The following HOXC8 variants were observed in gnomAD, a reference collection of about 807,000 sequenced individuals.
HOXC8 encodes the protein homeobox protein Hox-C8.
HOXC8 carries 14 observed loss-of-function variants against 25.8 expected under a neutral mutation model. The ratio of observed to expected loss-of-function variants is 0.54; its 90% CI spans 0.36 to 0.85. The LOEUF is 0.85. Ranked by LOEUF, HOXC8 falls within the 40% of genes least tolerant of loss-of-function variation. The pLI, the probability that HOXC8 is intolerant of heterozygous loss-of-function variation, is 0.01. For missense variants in HOXC8, 316 were observed against 308.8 expected (o/e 1.02, Z -0.17); for synonymous variants, 144 against 124.6 (o/e 1.16, Z -1.04).
chr12:54,012,298 A>T lies in HOXC8; in HGVS notation c.*917A>T, dbSNP rs1410616468. 6.6e-6 allele frequency: 1 copy of T among 152,036 alleles called. No individual in the cohort carries two copies. The highest frequency in any genetic ancestry group is 1.9e-4 in the East Asian group (1 of 5,202). 9.4% of individuals were successfully genotyped at this position (152,036 alleles called of 1,614,324 possible). On this transcript the variant is annotated 3_prime_UTR_variant, in exon 2 of 2. Transcript: ENST00000040584. ...TGAAAAAGAAAAAGAGAAAAATTTT[A>T]AAATCCTGCTATAGGAGAAAAAAAG...
In HOXC8 at chr12:54,009,437, C is replaced by A. The variant is rs563958540; in HGVS notation, c.153C>A (p.His51Gln). The change falls in exon 1 of 2, where the codon CAC (histidine) becomes CAA (glutamine). Residue 51 changes from histidine to glutamine, a missense_variant. His to Gln is a conservative substitution (Grantham distance 24). Coordinates refer to ENST00000040584, the MANE Select transcript of HOXC8 (RefSeq NM_022658.4). This position sits in a 1 kb window ranked among gnomAD's most constrained non-coding sequence, Gnocchi z 5.0. ...GCGGCTCGGCGCCCGGCTTCCAGCA[C>A]GCTTCGCACCACGTTCAAGACTTCT... ...GPGGSAPGFQ[H>Q]ASHHVQDFFH... 4 of 1,614,134 alleles carry A rather than the reference C, an allele frequency of 2.5e-6. No individual in the cohort carries two copies. In the East Asian group the frequency reaches 8.9e-5, roughly 36 times the overall value.
Position 54,011,093 on chromosome 12 carries a change from G to A in HOXC8, c.441G>A (p.Pro147=), listed in dbSNP as rs1470512025. The A allele has an allele frequency of 9.3e-6, 15 of 1,613,048 alleles. No individual in the cohort carries two copies. Among genetic ancestry groups the A allele is most frequent in the Admixed American group, 8.3e-5 (5 of 59,982 alleles). ...LMFPWMRPHA[P]GRRSGRQTYS... is the part of the protein sequence containing the mutation. ...CTGGGGTTTTCTTCTGTCCAGCTCCGGGGAGGCGCAGTGGACGGCAAACTT... is the reference window on the plus strand; with the variant it reads ...CTGGGGTTTTCTTCTGTCCAGCTCCAGGGAGGCGCAGTGGACGGCAAACTT... The change falls in exon 2 of 2, where the codon CCG becomes CCA. Residue 147 remains proline (P), a synonymous_variant. Transcript: ENST00000040584.
At position 54,009,427 on chromosome 12, in the gene HOXC8, G is replaced by A. The variant is rs771572220; in HGVS notation, c.143G>A (p.Gly48Asp). The A allele has an allele frequency of 2.5e-6, 4 of 1,614,106 alleles. No individual in the cohort carries two copies. The highest frequency in any genetic ancestry group is 2.2e-5 in the East Asian group (1 of 44,866). ...LVYGPGGSAP[G>D]FQHASHHVQD... ...TACGGGCCCGGCGGCTCGGCGCCCG[G>A]CTTCCAGCACGCTTCGCACCACGTT... The change falls in exon 1 of 2, where the codon GGC becomes GAC. Residue 48 changes from glycine (G) to aspartate (D), a missense_variant. Transcript: ENST00000040584. This position sits in a 1 kb window ranked among gnomAD's most constrained non-coding sequence, Gnocchi z 5.0.
intron 1 of HOXC8, 103 bp from the exon 2 acceptor site, chr12:54,010,986 C>T (rs139248087): frequency 5.1e-5 from 38 of 748,812 alleles, no homozygotes; most frequent in Middle Eastern, 5.9e-4. Context: ...AGAGGGGAGG[C>T]GAACTGAGGA....
At position 54,009,705 on chromosome 12, in the gene HOXC8, TG is replaced by T; in HGVS notation, c.423del (p.Trp141Ter). ...CTCGTCTCCCAGCCTCATGTTTCCA[TG>T]GATGAGACCCCACGGTGAGAAGCCT... ...QNSSPSLMFPWMRPHAPGRRS... is the reference protein window; with the variant it reads ...QNSSPSLMFPXMRPHAPGRRS... On this transcript the variant is annotated frameshift_variant, in exon 1 of 2. Coordinates refer to ENST00000040584, the MANE Select transcript of HOXC8 (RefSeq NM_022658.4). LOFTEE classifies it high-confidence loss of function. The surrounding 1 kb of genome is among the most constrained non-coding windows in gnomAD (Gnocchi z 5.0). 6.2e-7 allele frequency: 1 copy of T among 1,614,090 alleles called. No homozygotes were observed. The highest frequency in any genetic ancestry group is 8.5e-7 in the Non-Finnish European group (1 of 1,179,942).
In HOXC8 at chr12:54,009,144, C is replaced by A; in HGVS notation, c.-141C>A. ...CCGAGGCGCCCCCCAACCTGCCCAGCCCCCAGCCCACCAGCCCAGCCCAGT... is the reference window on the plus strand; with the variant it reads ...CCGAGGCGCCCCCCAACCTGCCCAGACCCCAGCCCACCAGCCCAGCCCAGT... On this transcript the variant is annotated 5_prime_UTR_variant, in exon 1 of 2. Coordinates refer to ENST00000040584, the MANE Select transcript of HOXC8 (RefSeq NM_022658.4). The surrounding 1 kb of genome is among the most constrained non-coding windows in gnomAD (Gnocchi z 5.0). 2 of 732,578 alleles carry A rather than the reference C, an allele frequency of 2.7e-6. No individual in the cohort carries two copies. Among genetic ancestry groups the A allele is most frequent in the South Asian group, 3.6e-5 (2 of 55,588 alleles). The allele number at this position is 732,578 out of a possible 1,614,324, so 45.4% of individuals were successfully genotyped here. A position where few individuals can be genotyped will look rare whatever the true frequency, so the allele number is the denominator to read the frequency against.
Position 54,009,682 on chromosome 12 carries a change from C to T in HOXC8, c.398C>T (p.Ser133Leu), listed in dbSNP as rs765067304. The stretch of plus-strand genomic sequence containing the variant: ...GGACAAGGCCACTTAAATCAAAACT[C>T]GTCTCCCAGCCTCATGTTTCCATGG... ...SEGQGHLNQN[S>L]SPSLMFPWMR... The change falls in exon 1 of 2, where the codon TCG becomes TTG. Residue 133 changes from serine (S) to leucine (L), a missense_variant. Coordinates refer to ENST00000040584, the MANE Select transcript of HOXC8 (RefSeq NM_022658.4). The surrounding 1 kb of genome is among the most constrained non-coding windows in gnomAD (Gnocchi z 5.0). The T allele has an allele frequency of 6.2e-6, 10 of 1,614,210 alleles. No individual in the cohort carries two copies. Among genetic ancestry groups the T allele is most frequent in the South Asian group, 1.1e-5 (1 of 91,082 alleles).
At position 54,009,776 on chromosome 12, in the gene HOXC8, CT is replaced by C. The variant is rs1565729391; in HGVS notation, c.436+57del. 2.8e-6 allele frequency: 4 copies of C among 1,454,196 alleles called. No homozygotes were observed. Among genetic ancestry groups the C allele is most frequent in the Admixed American group, 1.8e-5 (1 of 57,124 alleles). 90.1% of individuals were successfully genotyped at this position (1,454,196 alleles called of 1,614,324 possible). On this transcript the variant is annotated intron_variant, in intron 1 of 1. Coordinates refer to ENST00000040584, the MANE Select transcript of HOXC8 (RefSeq NM_022658.4). The surrounding 1 kb of genome is among the most constrained non-coding windows in gnomAD (Gnocchi z 5.0). The stretch of plus-strand genomic sequence containing the variant: ...CTCCCGCGCTCCAGGGTTTCCCCCC[CT>C]CCCTCGCCTCCTTTTTGTCTGCCCT...
chr12:54,009,241 C>G lies in HOXC8; in HGVS notation c.-44C>G. On this transcript the variant is annotated 5_prime_UTR_variant, in exon 1 of 2. Coordinates refer to ENST00000040584, the MANE Select transcript of HOXC8 (RefSeq NM_022658.4). The surrounding 1 kb of genome is among the most constrained non-coding windows in gnomAD (Gnocchi z 5.0). ...TTTCGGGGGTACTGGGCGGGGTACT[C>G]GTGAGCCAGAGGGGAGGGGGCCGCG... 5 of 1,489,530 alleles carry G rather than the reference C, an allele frequency of 3.4e-6. No homozygotes were observed. Among genetic ancestry groups the G allele is most frequent in the Non-Finnish European group, 4.6e-6 (5 of 1,098,730 alleles). 92.3% of individuals were successfully genotyped at this position (1,489,530 alleles called of 1,614,324 possible). A position where few individuals can be genotyped will look rare whatever the true frequency, so the allele number is the denominator to read the frequency against.
chr12:54,011,394 G>A lies in HOXC8; in HGVS notation c.*13G>A, dbSNP rs747993663. ...AAACAAGGACTAAGCAAAAAAGAAA[G>A]ACCCCCCCCCCCTTAGCAACTCCCT... On this transcript the variant is annotated 3_prime_UTR_variant, in exon 2 of 2. Transcript: ENST00000040584. The A allele has an allele frequency of 2.1e-6, 3 of 1,400,506 alleles. No individual in the cohort carries two copies. The highest frequency in any genetic ancestry group is 1.6e-5 in the South Asian group (1 of 61,334). 86.8% of individuals were successfully genotyped at this position (1,400,506 alleles called of 1,614,324 possible).
chr12:54,009,845 G>T lies in HOXC8; in HGVS notation c.436+125G>T. 1.2e-6 allele frequency: 1 copy of T among 813,090 alleles called. No individual in the cohort carries two copies. 50.4% of individuals were successfully genotyped at this position (813,090 alleles called of 1,614,324 possible). On this transcript the variant is annotated intron_variant, in intron 1 of 1. Coordinates refer to ENST00000040584, the MANE Select transcript of HOXC8 (RefSeq NM_022658.4). The surrounding 1 kb of genome is among the most constrained non-coding windows in gnomAD (Gnocchi z 5.0). ...TTGGGGTCTCTCCCGCCCCACCCCC[G>T]TGCCTGTGCCTGGGTGGTTTTCTCG... is the stretch of plus-strand genomic sequence containing the variant.
In HOXC8 at chr12:54,012,276, A is replaced by T. The variant is rs1416510770; in HGVS notation, c.*895A>T. On this transcript the variant is annotated 3_prime_UTR_variant, in exon 2 of 2. Transcript: ENST00000040584. ...TAAAGGGAACCTGCAATAATCTTGAAAAAGAAAAAGAGAAAAATTTTAAAA... is the reference window on the plus strand; with the variant it reads ...TAAAGGGAACCTGCAATAATCTTGATAAAGAAAAAGAGAAAAATTTTAAAA... 2.0e-5 allele frequency: 3 copies of T among 152,320 alleles called. No homozygotes were observed. The highest frequency in any genetic ancestry group is 4.4e-5 in the Non-Finnish European group (3 of 68,004). The allele number at this position is 152,320 out of a possible 1,614,324, so 9.4% of individuals were successfully genotyped here.
Position 54,011,553 on chromosome 12 carries a change from C to G in HOXC8, c.*172C>G, listed in dbSNP as rs530815344. The G allele has an allele frequency of 1.2e-6, 1 of 814,984 alleles. No homozygotes were observed. The highest frequency in any genetic ancestry group is 3.1e-5 in the East Asian group (1 of 32,734). The allele number at this position is 814,984 out of a possible 1,614,324, so 50.5% of individuals were successfully genotyped here. A position where few individuals can be genotyped will look rare whatever the true frequency, so the allele number is the denominator to read the frequency against. ...CAGCTCTGGTTTTATTACCTTTGGA[C>G]TTCCCCCACTCTTTATTTGTTTGGG... On this transcript the variant is annotated 3_prime_UTR_variant, in exon 2 of 2. Transcript: ENST00000040584.
rs372905494 is a variant in HOXC8, at chr12:54,011,294, G to A, written c.642G>A (p.Pro214=). Residue 214 remains proline, a synonymous_variant, in exon 2 of 2, where the codon CCG becomes CCA. Transcript: ENST00000040584. The stretch of plus-strand genomic sequence containing the variant: ...AGGAGAACAACAAGGATAAACTGCC[G>A]GGAGCCCGAGATGAGGAGAAGGTGG... ...WKKENNKDKL[P]GARDEEKVEE... 62 of 1,576,550 alleles carry A rather than the reference G, an allele frequency of 3.9e-5. No homozygotes were observed. The highest frequency in any genetic ancestry group is 6.9e-5 in the East Asian group (3 of 43,422).
In HOXC8 at chr12:54,009,815, T is replaced by A; in HGVS notation, c.436+95T>A. The A allele has an allele frequency of 8.7e-7, 1 of 1,145,056 alleles. No individual in the cohort carries two copies. Among genetic ancestry groups the A allele is most frequent in the Admixed American group, 1.9e-5 (1 of 52,106 alleles). The allele number at this position is 1,145,056 out of a possible 1,614,324, so 70.9% of individuals were successfully genotyped here. On this transcript the variant is annotated intron_variant, in intron 1 of 1. Transcript: ENST00000040584. The surrounding 1 kb of genome is among the most constrained non-coding windows in gnomAD (Gnocchi z 5.0). The stretch of plus-strand genomic sequence containing the variant: ...TTTTGTCTGCCCTCGCTTTTTCTCC[T>A]GGCTTTGGGGTCTCTCCCGCCCCAC...
Position 54,011,396 on chromosome 12 carries a change from C to CG in HOXC8, c.*15_*16insG, listed in dbSNP as rs569341279. 7 of 288,842 alleles carry CG rather than the reference C, an allele frequency of 2.4e-5. No homozygotes were observed. The Admixed American group carries it at 2.4e-4, about 10-fold the overall frequency. The allele number at this position is 288,842 out of a possible 1,614,324, so 17.9% of individuals were successfully genotyped here. A position where few individuals can be genotyped will look rare whatever the true frequency, so the allele number is the denominator to read the frequency against. Reference sequence around the variant, plus strand: ...ACAAGGACTAAGCAAAAAAGAAAGACCCCCCCCCCCTTAGCAACTCCCTTG... The same window carrying CG: ...ACAAGGACTAAGCAAAAAAGAAAGACGCCCCCCCCCCTTAGCAACTCCCTTG... On this transcript the variant is annotated 3_prime_UTR_variant, in exon 2 of 2. Transcript: ENST00000040584.
At position 54,009,887 on chromosome 12, in the gene HOXC8, G is replaced by A. The variant is rs1193963402; in HGVS notation, c.436+167G>A. 6.6e-6 allele frequency among the ~76,000 whole-genome samples: 1 copy of A among 152,148 alleles called. No homozygotes were observed. On this transcript the variant is annotated intron_variant, in intron 1 of 1. Coordinates refer to ENST00000040584, the MANE Select transcript of HOXC8 (RefSeq NM_022658.4). The surrounding 1 kb of genome is among the most constrained non-coding windows in gnomAD (Gnocchi z 5.0). ...GTTTTCTCGAAGTTGGGAAGGCTCCGCTGGGGCGGGGCAGGGAGGGGGTGC... is the reference window on the plus strand; with the variant it reads ...GTTTTCTCGAAGTTGGGAAGGCTCCACTGGGGCGGGGCAGGGAGGGGGTGC...
intron 1 of HOXC8, among the ~76,000 whole-genome samples, chr12:54,010,204 G>C (rs1939954324): frequency 6.6e-6 from 1 of 152,230 alleles, no homozygotes; most frequent in Non-Finnish European, 1.5e-5. Context: ...GCCCTAGCCA[G>C]AGTGTGGTGA....
Position 54,009,768 on chromosome 12 carries a change from T to C in HOXC8, c.436+48T>C, listed in dbSNP as rs764084667. 6 of 1,524,250 alleles carry C rather than the reference T, an allele frequency of 3.9e-6. No individual in the cohort carries two copies. In the African/African-American group the frequency reaches 6.9e-5, roughly 17 times the overall value. The allele number at this position is 1,524,250 out of a possible 1,614,324, so 94.4% of individuals were successfully genotyped here. A position where few individuals can be genotyped will look rare whatever the true frequency, so the allele number is the denominator to read the frequency against. ...CCCTTGGTCTCCCGCGCTCCAGGGT[T>C]TCCCCCCCTCCCTCGCCTCCTTTTT... On this transcript the variant is annotated intron_variant, in intron 1 of 1. Transcript: ENST00000040584. The surrounding 1 kb of genome is among the most constrained non-coding windows in gnomAD (Gnocchi z 5.0).
Sources: allele counts gnomAD v4.1 joint callset (sites outside exome capture counted in the v4.1 genomes callset), GRCh38; gene constraint gnomAD v4.1.1; non-coding constraint Gnocchi (gnomAD v3.1); transcripts MANE v1.5; gene names NCBI Gene and HGNC (gene_info 2026-07-23, HGNC 2026-07-21).